Variants in INKA2 observed in about 807,000 individuals in gnomAD.
The protein encoded by INKA2 is PAK4-inhibitor INKA2.
A neutral mutation model predicts 9.8 loss-of-function variants in INKA2; 3 were observed. That is an observed-to-expected ratio of 0.31 (90% CI 0.14 to 0.79). INKA2 has a LOEUF of 0.79. Among genes scored for constraint, INKA2 ranks in the 30% least tolerant of loss-of-function variants. INKA2 has a pLI of 0.62. For synonymous variants in INKA2, 147 were observed against 143.3 expected, an observed-to-expected ratio of 1.03 and a Z score of -0.18; for missense variants, 392 against 384.4, an observed-to-expected ratio of 1.02 and a Z score of -0.17.
rs1662680556 is a variant in INKA2, at chr1:111,723,003, G to A, written c.*3965C>T. On this transcript the variant is annotated 3_prime_UTR_variant, in exon 2 of 2. Coordinates refer to ENST00000357260, the MANE Select transcript of INKA2 (RefSeq NM_019099.5). Reference sequence around the variant, plus strand: ...ACAGATGAGAAACACAAGGTTCAGAGAGATCAAGCAACATGCTCAAGCTTC... The same window carrying A: ...ACAGATGAGAAACACAAGGTTCAGAAAGATCAAGCAACATGCTCAAGCTTC... The A allele has an allele frequency of 1.4e-6, 1 of 696,086 alleles. No homozygotes were observed. The highest frequency in any genetic ancestry group is 2.6e-6 in the Non-Finnish European group (1 of 381,992). The allele number at this position is 696,086 out of a possible 1,614,324, so 43.1% of individuals were successfully genotyped here.
At position 111,730,152 on chromosome 1, in the gene INKA2, C is replaced by T. The variant is rs117153874; in HGVS notation, c.58-2348G>A. On this transcript the variant is annotated intron_variant, in intron 1 of 1. Coordinates refer to ENST00000357260, the MANE Select transcript of INKA2 (RefSeq NM_019099.5). ...CCTCTTTGCTTCTACTCTACTGACC[C>T]CTTCCTTTTGGAAGCACTCAGCTAC... is the stretch of plus-strand genomic sequence containing the variant. Among the ~76,000 whole-genome samples, 84 of 152,304 alleles carry T rather than the reference C, an allele frequency of 5.5e-4. 1 individual carries two copies. In the East Asian group the frequency reaches 0.012, roughly 22 times the overall value.
intron 1 of INKA2, among the ~76,000 whole-genome samples, chr1:111,737,937 C>G (rs1202149202): frequency 1.3e-5 from 2 of 152,186 alleles, no homozygotes; most frequent in African/African-American, 4.8e-5. Context: ...GAGCTGGCCC[C>G]TAACACACTG....
rs1459210130 is a variant in INKA2 at position 111,725,555 on chromosome 1, G to A, written c.*1413C>T. On this transcript the variant is annotated 3_prime_UTR_variant, in exon 2 of 2. Transcript: ENST00000357260. ...TAGGTGAGGAGGGAACAGGAGGCCT[G>A]GGACTGCTGTGTCTAGTGGGGAGAA... 6.6e-6 allele frequency: 1 copy of A among 152,300 alleles called. No individual in the cohort carries two copies. Among genetic ancestry groups the A allele is most frequent in the African/African-American group, 2.4e-5 (1 of 41,466 alleles). 9.4% of individuals were successfully genotyped at this position (152,300 alleles called of 1,614,324 possible).
chr1:111,739,525 G>T (rs1663094985), upstream of INKA2: 4 of 980,758 alleles, frequency 4.1e-6, no homozygotes, highest in East Asian at 1.3e-4. Context: ...CTGGGCGGCC[G>T]AGGCGGACCC....
At chr1:111,754,839 T>A (rs375802753) in intron 1 of INKA2, 7 of 152,344 alleles carry the variant, frequency 4.6e-5, no homozygotes, top group East Asian at 1.9e-4. Context: ...CTTGTCCTCA[T>A]AGAGTGTGGG....
At chr1:111,734,486 T>C (rs913143169) in intron 1 of INKA2, among the ~76,000 whole-genome samples, 3 of 151,944 alleles carry the variant, frequency 2.0e-5, no homozygotes, top group Non-Finnish European at 4.4e-5. Flanking sequence ...CTCAATTTCC[T>C]CCCTCCCTCC....
At chr1:111,734,281 C>T (rs1365160044) in intron 1 of INKA2, among the ~76,000 whole-genome samples, 1 of 152,214 alleles carries the variant, frequency 6.6e-6, no homozygotes, top group African/African-American at 2.4e-5. Context: ...GCTGCCTCTT[C>T]CCGGAGATTG....
intron 1 of INKA2, among the ~76,000 whole-genome samples, chr1:111,729,172 G>T (rs979895578): frequency 3.9e-5 from 6 of 152,212 alleles, no homozygotes; most frequent in African/African-American, 1.2e-4. Context: ...TTCCCCAAGA[G>T]AAAGGGTAGG....
chr1:111,750,110 C>T (rs955473928), intron 1 of INKA2, among the ~76,000 whole-genome samples: 9 of 152,238 alleles, frequency 5.9e-5, no homozygotes, highest in African/African-American at 2.2e-4. Context: ...TCCCTAAAGA[C>T]TGAGGCAGTG....
chr1:111,739,316 C>T lies in INKA2; in HGVS notation c.-74G>A, dbSNP rs1663086638. On this transcript the variant is annotated 5_prime_UTR_variant, in exon 1 of 2. Transcript: ENST00000357260. The stretch of plus-strand genomic sequence containing the variant: ...CCCGGCCCCACTGGAAACTGCGCTC[C>T]GGGCCGGCTCCCCGCCCCTGCGCCC... The T allele has an allele frequency of 1.3e-6, 2 of 1,593,716 alleles. No individual in the cohort carries two copies. The highest frequency in any genetic ancestry group is 3.5e-5 in the Admixed American group (2 of 57,512).
At chr1:111,750,330 C>CACATGTAAAATGTATTTT (rs1663377885) in intron 1 of INKA2, among the ~76,000 whole-genome samples, 1 of 152,188 alleles carries the variant, frequency 6.6e-6, no homozygotes, top group African/African-American at 2.4e-5. Flanking sequence ...AGCCATGAGA[C>CACATGTAAAATGTATTTT]ACATGTAAAA....
chr1:111,722,809 A>AAAGCACTTTTTCTT lies in INKA2; in HGVS notation c.*4145_*4158dup, dbSNP rs1282965807. 7 of 447,854 alleles carry AAAGCACTTTTTCTT rather than the reference A, an allele frequency of 1.6e-5. No homozygotes were observed. Among genetic ancestry groups the AAAGCACTTTTTCTT allele is most frequent in the Non-Finnish European group, 1.6e-5 (4 of 251,484 alleles). 27.7% of individuals were successfully genotyped at this position (447,854 alleles called of 1,614,324 possible). ...CAGAAGAAGAGACCAACGCTCAGAG[A>AAAGCACTTTTTCTT]AAGCACTTTTTCTTAAGCACTTTTG... is the stretch of plus-strand genomic sequence containing the variant. On this transcript the variant is annotated 3_prime_UTR_variant, in exon 2 of 2. Coordinates refer to ENST00000357260, the MANE Select transcript of INKA2 (RefSeq NM_019099.5).
chr1:111,726,206 C>T lies in INKA2; in HGVS notation c.*762G>A, dbSNP rs1662765607. 1 of 395,950 alleles carries T rather than the reference C, an allele frequency of 2.5e-6. No individual in the cohort carries two copies. Among genetic ancestry groups the T allele is most frequent in the South Asian group, 1.3e-4 (1 of 7,654 alleles). The allele number at this position is 395,950 out of a possible 1,614,324, so 24.5% of individuals were successfully genotyped here. A position where few individuals can be genotyped will look rare whatever the true frequency, so the allele number is the denominator to read the frequency against. ...AAAATGGGATCATGCCTGCCTGCCT[C>T]GCTCACTTTCAAATGAGACCATGGA... On this transcript the variant is annotated 3_prime_UTR_variant, in exon 2 of 2. Coordinates refer to ENST00000357260, the MANE Select transcript of INKA2 (RefSeq NM_019099.5).
upstream of INKA2, among the ~76,000 whole-genome samples, chr1:111,743,604 C>T (rs1663196867): frequency 6.6e-6 from 1 of 152,226 alleles, no homozygotes; most frequent in African/African-American, 2.4e-5. Context: ...GATCCTATGG[C>T]ACCCACCTGG....
rs1217201863 is a variant in INKA2 at position 111,724,028 on chromosome 1, G to A, written c.*2940C>T. On this transcript the variant is annotated 3_prime_UTR_variant, in exon 2 of 2. Coordinates refer to ENST00000357260, the MANE Select transcript of INKA2 (RefSeq NM_019099.5). The stretch of plus-strand genomic sequence containing the variant: ...TCCACTACTGTGTGACCTTGGACAA[G>A]TTGCTTAACTTCTCTGAGCCTGTCC... The A allele has an allele frequency of 6.6e-6, 1 of 152,286 alleles. No homozygotes were observed. Among genetic ancestry groups the A allele is most frequent in the African/African-American group, 2.4e-5 (1 of 41,474 alleles). 9.4% of individuals were successfully genotyped at this position (152,286 alleles called of 1,614,324 possible). A position where few individuals can be genotyped will look rare whatever the true frequency, so the allele number is the denominator to read the frequency against.
upstream of INKA2, among the ~76,000 whole-genome samples, chr1:111,740,292 T>A (rs1041661971): frequency 1.3e-5 from 2 of 152,154 alleles, no homozygotes; most frequent in African/African-American, 4.8e-5. Context: ...GCTCCTTTGT[T>A]ATTCAAAAGG....
intron 1 of INKA2, among the ~76,000 whole-genome samples, chr1:111,752,118 C>T (rs1468768901): frequency 6.6e-6 from 1 of 152,194 alleles, no homozygotes; most frequent in Non-Finnish European, 1.5e-5. Flanking sequence ...GCAATGCAAA[C>T]GTGATGACTG....
In INKA2 at chr1:111,739,187, A is replaced by G. The variant is rs1324763263; in HGVS notation, c.56T>C (p.Leu19Pro). 1 of 1,613,350 alleles carries G rather than the reference A, an allele frequency of 6.2e-7. No individual in the cohort carries two copies. Among genetic ancestry groups the G allele is most frequent in the Non-Finnish European group, 8.5e-7 (1 of 1,179,596 alleles). The part of the protein sequence containing the change: ...DCYLRRLKQE[L>P]MSMKEVGDGL... The stretch of plus-strand genomic sequence containing the variant: ...CCCCGGCGCCAGCTTCGCTCTTACC[A>G]GCTCCTGTTTGAGGCGACGGAGATA... Residue 19 changes from leucine to proline, a missense_variant and splice_region_variant, in exon 1 of 2, where the codon CTG (leucine) becomes CCG (proline). Physicochemically the swap from Leu to Pro is moderately conservative, Grantham distance 98. Coordinates refer to ENST00000357260, the MANE Select transcript of INKA2 (RefSeq NM_019099.5).
Position 111,727,632 on chromosome 1 carries a change from G to C in INKA2, c.230C>G (p.Pro77Arg). The C allele has an allele frequency of 6.2e-7, 1 of 1,608,596 alleles. No individual in the cohort carries two copies. Among genetic ancestry groups the C allele is most frequent in the East Asian group, 2.2e-5 (1 of 44,852 alleles). The stretch of plus-strand genomic sequence containing the variant: ...AGGACCTCTGCCACCCTCCCAACAA[G>C]GGTGCTCGCACTGGGTCCTGGGACC... ...PEGPRTQCEHPCWEGGRGPAR... is the reference protein window; with the variant it reads ...PEGPRTQCEHRCWEGGRGPAR... The change falls in exon 2 of 2, where the codon CCT becomes CGT. Residue 77 changes from proline to arginine, a missense_variant. By Grantham distance (103) the Pro-to-Arg change is moderately radical. Coordinates refer to ENST00000357260, the MANE Select transcript of INKA2 (RefSeq NM_019099.5).
Sources: allele counts gnomAD v4.1 joint callset (sites outside exome capture counted in the v4.1 genomes callset), GRCh38; gene constraint gnomAD v4.1.1; transcripts MANE v1.5; gene names NCBI Gene and HGNC (gene_info 2026-07-23, HGNC 2026-07-21).